RBFOX3: variants seen among roughly 807,000 people sequenced by gnomAD.
RBFOX3 encodes the protein RNA binding protein fox-1 homolog 3.
In RBFOX3, 17 loss-of-function variants were observed where a neutral mutation model predicts 48.7. The observed-to-expected ratio is 0.35, with a 90% confidence interval of 0.24 to 0.52. The LOEUF (loss-of-function observed/expected upper bound fraction) is 0.52, where lower values mean the gene tolerates loss of function less well. Among genes scored for constraint, RBFOX3 ranks in the 20% least tolerant of loss-of-function variants. RBFOX3 has a pLI of 0.94. For synonymous variants in RBFOX3, 212 were observed against 209.5 expected (o/e 1.01, Z -0.10); for missense variants, 382 against 497.5 (o/e 0.77, Z 2.21).
intron 4 of RBFOX3, among the ~76,000 whole-genome samples, chr17:79,225,858 C>T (rs1295260516): frequency 6.6e-6 from 1 of 152,170 alleles, no homozygotes; most frequent in African/African-American, 2.4e-5. Flanking sequence ...CTGGGCTTTA[C>T]CCCGTACTGG....
At chr17:79,225,843 C>T (rs1340221894) in intron 4 of RBFOX3, among the ~76,000 whole-genome samples, 2 of 152,192 alleles carry the variant, frequency 1.3e-5, no homozygotes, top group Non-Finnish European at 2.9e-5. Flanking sequence ...AACCTTCCTG[C>T]ACTCCTGGGC....
intron 2 of RBFOX3, among the ~76,000 whole-genome samples, chr17:79,352,743 G>A (rs2084198855): frequency 6.6e-6 from 1 of 152,214 alleles, no homozygotes; most frequent in Non-Finnish European, 1.5e-5. Context: ...GGCATGGGTG[G>A]CAAAGAGCCT....
At chr17:79,552,593 G>C (rs1286396882) in intron 1 of RBFOX3, among the ~76,000 whole-genome samples, 3 of 152,170 alleles carry the variant, frequency 2.0e-5, no homozygotes. Flanking sequence ...TGTATGGAAA[G>C]CGCTCAAGTC....
intron 2 of RBFOX3, among the ~76,000 whole-genome samples, chr17:79,439,251 GAGC>G (rs1224633451): frequency 6.6e-6 from 1 of 152,250 alleles, no homozygotes; most frequent in Non-Finnish European, 1.5e-5. Flanking sequence ...GCTGCTTGCA[GAGC>G]AGCACCCCGC....
intron 2 of RBFOX3, among the ~76,000 whole-genome samples, chr17:79,451,585 G>A (rs934286768): frequency 1.3e-5 from 2 of 152,166 alleles, no homozygotes; most frequent in African/African-American, 4.8e-5. Context: ...ACTCTCAGAT[G>A]GGGATCACCT....
At chr17:79,184,089 G>T (rs2052871329) in intron 4 of RBFOX3, among the ~76,000 whole-genome samples, 1 of 145,650 alleles carries the variant, frequency 6.9e-6, no homozygotes, top group Non-Finnish European at 1.5e-5. Context: ...AGGGAGGCCG[G>T]CTCAGTGGCG....
intron 2 of RBFOX3, among the ~76,000 whole-genome samples, chr17:79,413,007 G>C (rs2064717332): frequency 6.6e-6 from 1 of 152,148 alleles, no homozygotes; most frequent in South Asian, 2.1e-4. Context: ...AGAGGAACCA[G>C]CCTGCTTCTG....
chr17:79,191,104 A>T (rs1033182052), intron 4 of RBFOX3, among the ~76,000 whole-genome samples: 1 of 152,230 alleles, frequency 6.6e-6, no homozygotes, highest in African/African-American at 2.4e-5. Context: ...ACCCCTGGGT[A>T]GAGGCAGCAA....
At chr17:79,096,390 C>T (rs2075263213) in intron 12 of RBFOX3, among the ~76,000 whole-genome samples, 1 of 152,184 alleles carries the variant, frequency 6.6e-6, no homozygotes, top group African/African-American at 2.4e-5. Context: ...AGGCCTTGCC[C>T]ACAGGAAGAT....
Position 79,252,608 on chromosome 17 carries a change from C to T in RBFOX3, c.-73-16803G>A, listed in dbSNP as rs1341842516. On this transcript the variant is annotated intron_variant, in intron 3 of 14. Transcript: ENST00000693108. This position sits in a 1 kb window ranked among gnomAD's most constrained non-coding sequence, Gnocchi z 4.0. ...GTAAACCAGTGAGGCTCCTTCCTGA[C>T]TTCTGCCTTCCAGAACTGCAAGGCC... Among the ~76,000 whole-genome samples the T allele has an allele frequency of 6.6e-6, 1 of 152,184 alleles. No homozygotes were observed. The highest frequency in any genetic ancestry group is 2.4e-5 in the African/African-American group (1 of 41,446).
In RBFOX3 at chr17:79,106,725, G is replaced by T. The variant is rs980876176; in HGVS notation, c.286C>A (p.Gln96Lys). 4.0e-6 allele frequency: 6 copies of T among 1,504,226 alleles called. No individual in the cohort carries two copies. The highest frequency in any genetic ancestry group is 5.3e-6 in the Non-Finnish European group (6 of 1,130,468). 93.2% of individuals were successfully genotyped at this position (1,504,226 alleles called of 1,614,324 possible). ...PLHPSDPTEKQQPKRLHVSNI... is the reference protein window; with the variant it reads ...PLHPSDPTEKKQPKRLHVSNI... ...GAGACGTGTAGCCGCTTGGGCTGCT[G>T]CTTCTCTGTAGGGTCGGAGGGGTGG... The change falls in exon 6 of 15, where the codon CAG becomes AAG. Residue 96 changes from glutamine to lysine, a missense_variant. By Grantham distance (53) the Gln-to-Lys change is moderately conservative. Around this residue, in one of 3 missense-constraint regions of RBFOX3, gnomAD observed 118 missense variants for 132.1 expected, o/e 0.89. Coordinates refer to ENST00000693108, the MANE Select transcript of RBFOX3 (RefSeq NM_001350451.2).
chr17:79,533,642 G>T (rs1235296618), intron 1 of RBFOX3, among the ~76,000 whole-genome samples: 1 of 152,250 alleles, frequency 6.6e-6, no homozygotes. Flanking sequence ...AAGCTCTCAG[G>T]GTGTGGCCCC....
At chr17:79,580,502 T>TCA (rs2093022548) in intron 1 of RBFOX3, among the ~76,000 whole-genome samples, 1 of 152,070 alleles carries the variant, frequency 6.6e-6, no homozygotes, top group Non-Finnish European at 1.5e-5. Context: ...CATAGACGAC[T>TCA]GTTCAGCGGT....
Position 79,318,144 on chromosome 17 carries a change from C to T in RBFOX3, c.-174-10320G>A, listed in dbSNP as rs141272998. Among the ~76,000 whole-genome samples, 369 of 152,256 alleles carry T rather than the reference C, an allele frequency of 2.4e-3. 1 individual carries two copies. The highest frequency in any genetic ancestry group is 8.4e-3 in the African/African-American group (349 of 41,548). Reference sequence around the variant, plus strand: ...AACTGGGGAGGTGTCAGCCGGAGCCCTTGCCATGGTGATGGCTGATTCCTA... The same window carrying T: ...AACTGGGGAGGTGTCAGCCGGAGCCTTTGCCATGGTGATGGCTGATTCCTA... On this transcript the variant is annotated intron_variant, in intron 2 of 14. Transcript: ENST00000693108.
chr17:79,352,515 G>A (rs991028780), intron 2 of RBFOX3, among the ~76,000 whole-genome samples: 1 of 152,154 alleles, frequency 6.6e-6, no homozygotes, highest in Non-Finnish European at 1.5e-5. Context: ...AAACAGAAGT[G>A]CCCTGAGGGA....
Position 79,404,557 on chromosome 17 carries a change from T to C in RBFOX3, c.-175+77897A>G, listed in dbSNP as rs145668724. Among the ~76,000 whole-genome samples the C allele has an allele frequency of 5.4e-3, 823 of 152,280 alleles. 11 individuals carry two copies. Among genetic ancestry groups the C allele is most frequent in the African/African-American group, 0.019 (788 of 41,578 alleles). On this transcript the variant is annotated intron_variant, in intron 2 of 14. Coordinates refer to ENST00000693108, the MANE Select transcript of RBFOX3 (RefSeq NM_001350451.2). ...GCCAAGAAGCACTGGGGGTCCAGTC[T>C]CAGCCCCGGCGCCCTCTCCTCTGCC...
chr17:79,104,160 G>T, intron 6 of RBFOX3, 34 bp from the exon 7 acceptor site: 1 of 1,533,988 alleles, frequency 6.5e-7, no homozygotes, highest in South Asian at 1.2e-5. Flanking sequence ...GAGTGGGGCA[G>T]ACAGGAAAGT....
chr17:79,217,756 C>T (rs2059235848), intron 4 of RBFOX3, among the ~76,000 whole-genome samples: 1 of 151,998 alleles, frequency 6.6e-6, no homozygotes, highest in Non-Finnish European at 1.5e-5. Context: ...CAAGCAGGAG[C>T]CAGTTATGGG....
rs557339173 is a variant in RBFOX3, at chr17:79,166,121, C to T, written c.-33-50373G>A. The stretch of plus-strand genomic sequence containing the variant: ...ACTAGGTACAACAGAGGGATACAAA[C>T]CTGGGCTTGGCCCACGCCCACCCCT... On this transcript the variant is annotated intron_variant, in intron 4 of 14. Transcript: ENST00000693108. 1.1e-4 allele frequency among the ~76,000 whole-genome samples: 16 copies of T among 150,044 alleles called. 1 individual carries two copies. The South Asian group carries it at 3.4e-3, about 32-fold the overall frequency.
Sources: gnomAD v4.1 joint callset for allele counts (sites outside exome capture counted in the v4.1 genomes callset) on GRCh38, gnomAD v4.1.1 for gene constraint, gnomAD v4.1.1 regional missense constraint, Gnocchi (gnomAD v3.1) non-coding constraint, MANE v1.5 for transcripts, NCBI Gene and HGNC (gene_info 2026-07-23, HGNC 2026-07-21) for gene names.